Variants in ITSN1 observed in about 807,000 individuals in gnomAD.
ITSN1 encodes intersectin 1.
A neutral mutation model predicts 239.8 loss-of-function variants in ITSN1; 58 were observed. The ratio of observed to expected loss-of-function variants is 0.24; its 90% CI spans 0.20 to 0.30. The LOEUF (loss-of-function observed/expected upper bound fraction) is 0.30, where lower values mean the gene tolerates loss of function less well. ITSN1 is among the 10% of genes least tolerant of loss of function. The pLI is 1.00. For missense variants in ITSN1, 1,558 were observed against 2,103.3 expected, an observed-to-expected ratio of 0.74 and a Z score of 5.07; for synonymous variants, 780 against 770.8, an observed-to-expected ratio of 1.01 and a Z score of -0.20.
intron 2 of ITSN1, 101 bp downstream of exon 2, chr21:33,718,957 T>C: frequency 1.1e-6 from 1 of 899,480 alleles, no homozygotes. Flanking sequence ...GAAAATAATA[T>C]AATCAGCATT....
At chr21:33,651,386 A>G (rs8127699) in intron 1 of ITSN1, among the ~76,000 whole-genome samples, 1 of 152,202 alleles carries the variant, frequency 6.6e-6, no homozygotes, top group Admixed American at 6.5e-5. Flanking sequence ...CTCGGCTTCC[A>G]GCTGTCTATG....
At chr21:33,682,972 A>G (rs2146544685) in intron 1 of ITSN1, among the ~76,000 whole-genome samples, 1 of 152,230 alleles carries the variant, frequency 6.6e-6, no homozygotes, top group East Asian at 1.9e-4. Flanking sequence ...TATAAGATTA[A>G]TTTTATCTTA....
At position 33,765,868 on chromosome 21, in the gene ITSN1, T is replaced by C. The variant is rs987474121; in HGVS notation, c.789-7T>C. On this transcript the variant is annotated splice_region_variant and splice_polypyrimidine_tract_variant and intron_variant, in intron 9 of 39. Transcript: ENST00000381318. ...AACCGGATTACAGTTAACTTTTTGTTGAATAGGAATCTTTCTGACATTGAT... is the reference window on the plus strand; with the variant it reads ...AACCGGATTACAGTTAACTTTTTGTCGAATAGGAATCTTTCTGACATTGAT... The C allele has an allele frequency of 1.4e-5, 23 of 1,613,894 alleles. No individual in the cohort carries two copies. The highest frequency in any genetic ancestry group is 1.8e-5 in the Non-Finnish European group (21 of 1,179,902).
At position 33,867,223 on chromosome 21, in the gene ITSN1, C is replaced by G; in HGVS notation, c.4075-10C>G. 1 of 1,556,892 alleles carries G rather than the reference C, an allele frequency of 6.4e-7. No individual in the cohort carries two copies. The highest frequency in any genetic ancestry group is 8.9e-7 in the Non-Finnish European group (1 of 1,128,002). On this transcript the variant is annotated splice_polypyrimidine_tract_variant and intron_variant, in intron 32 of 39. Coordinates refer to ENST00000381318, the MANE Select transcript of ITSN1 (RefSeq NM_003024.3). ...GTTTCTTAAGTACATTTAAAAACATCTCATTTCAGAGATTGGCAATGGATC... is the reference window on the plus strand; with the variant it reads ...GTTTCTTAAGTACATTTAAAAACATGTCATTTCAGAGATTGGCAATGGATC...
rs533192222 is a variant in ITSN1, at chr21:33,787,565, T to C, written c.1824+5432T>C. ...TGCTTAACTAAAGCCTTTATACTCT[T>C]GGTTTCAGACACTAGCTTTCATGGG... On this transcript the variant is annotated intron_variant, in intron 16 of 39. Transcript: ENST00000381318. Among the ~76,000 whole-genome samples the C allele has an allele frequency of 2.8e-4, 42 of 152,340 alleles. 1 individual carries two copies. The highest frequency in any genetic ancestry group is 8.9e-4 in the African/African-American group (37 of 41,588).
At position 33,826,814 on chromosome 21, in the gene ITSN1, T is replaced by C. The variant is rs748418649; in HGVS notation, c.3184-4T>C. 2 of 1,613,814 alleles carry C rather than the reference T, an allele frequency of 1.2e-6. No homozygotes were observed. The highest frequency in any genetic ancestry group is 1.7e-6 in the Non-Finnish European group (2 of 1,179,718). On this transcript the variant is annotated splice_region_variant and splice_polypyrimidine_tract_variant and intron_variant, in intron 25 of 39. Coordinates refer to ENST00000381318, the MANE Select transcript of ITSN1 (RefSeq NM_003024.3). ...GCAAATGAGACCTTTTGCTCTGTTT[T>C]AAGGGCTCTGGAACTGCTGGGAAAA...
In ITSN1 at chr21:33,882,601, G is replaced by A. The variant is rs896496291; in HGVS notation, c.4554+146G>A. The A allele has an allele frequency of 1.2e-5, 8 of 660,710 alleles. No individual in the cohort carries two copies. Among genetic ancestry groups the A allele is most frequent in the Middle Eastern group, 8.1e-4 (2 of 2,474 alleles). The allele number at this position is 660,710 out of a possible 1,614,324, so 40.9% of individuals were successfully genotyped here. ...AGTTGAAATGCGATTTAGGGTGTCC[G>A]GAGTGGAGGACGATCCATATCCCGC... On this transcript the variant is annotated intron_variant, in intron 35 of 39. Coordinates refer to ENST00000381318, the MANE Select transcript of ITSN1 (RefSeq NM_003024.3). The surrounding 1 kb of genome is among the most constrained non-coding windows in gnomAD (Gnocchi z 4.5).
intron 26 of ITSN1, among the ~76,000 whole-genome samples, chr21:33,828,245 G>A (rs1005258088): frequency 4.6e-5 from 7 of 152,370 alleles, no homozygotes; most frequent in African/African-American, 1.4e-4. Context: ...TAGGACACTA[G>A]TTTGGTCTTT....
chr21:33,829,772 A>T lies in ITSN1; in HGVS notation c.3351+27A>T, dbSNP rs200366660. On this transcript the variant is annotated intron_variant, in intron 27 of 39. Coordinates refer to ENST00000381318, the MANE Select transcript of ITSN1 (RefSeq NM_003024.3). ...TCAGTGTCTTTTTTGTTTATTTACA[A>T]TTCTCCATCCAAGTTTCAATACACA... 1.1e-5 allele frequency: 17 copies of T among 1,612,748 alleles called. No homozygotes were observed. In the African/African-American group the frequency reaches 1.5e-4, roughly 14 times the overall value.
rs1292717464 is a variant in ITSN1, at chr21:33,865,959, T to C, written c.4074+625T>C. On this transcript the variant is annotated intron_variant, in intron 32 of 39. Coordinates refer to ENST00000381318, the MANE Select transcript of ITSN1 (RefSeq NM_003024.3). This position sits in a 1 kb window ranked among gnomAD's most constrained non-coding sequence, Gnocchi z 4.4. ...GGCCTTGGCCAGTGTGGGTCTCTGC[T>C]GGCCGTGCTGGGCCATTCAAACAGC... Among the ~76,000 whole-genome samples, 1 of 152,104 alleles carries C rather than the reference T, an allele frequency of 6.6e-6. No individual in the cohort carries two copies.
At chr21:33,884,250 G>A (rs562136161) in intron 36 of ITSN1, among the ~76,000 whole-genome samples, 16 of 152,012 alleles carry the variant, frequency 1.1e-4, no homozygotes, top group East Asian at 7.7e-4. Flanking sequence ...GAAATGTTTC[G>A]CATTCTTTGA....
At position 33,874,986 on chromosome 21, in the gene ITSN1, T is replaced by A. The variant is rs377269685; in HGVS notation, c.4174-368T>A. 9.4e-4 allele frequency among the ~76,000 whole-genome samples: 143 copies of A among 152,264 alleles called. 3 individuals carry two copies. In the South Asian group the frequency reaches 0.026, roughly 28 times the overall value. ...TCAAAGAGAAACTCTAAGGGCCCCA[T>A]GGTTATATGTACACACTGTGATCCT... On this transcript the variant is annotated intron_variant, in intron 33 of 39. Transcript: ENST00000381318.
intron 27 of ITSN1, among the ~76,000 whole-genome samples, chr21:33,832,322 T>C (rs2074341912): frequency 6.6e-6 from 1 of 152,218 alleles, no homozygotes; most frequent in South Asian, 2.1e-4. Flanking sequence ...ACTGGCCCCG[T>C]GCCGGCACCA....
At chr21:33,880,507 C>G (rs2148550840) in intron 34 of ITSN1, among the ~76,000 whole-genome samples, 1 of 152,276 alleles carries the variant, frequency 6.6e-6, no homozygotes, top group Admixed American at 6.5e-5. Flanking sequence ...TTCTTGGGCT[C>G]TCAGACCCTC....
chr21:33,712,200 T>A (rs1229896517), intron 1 of ITSN1, among the ~76,000 whole-genome samples: 4 of 152,112 alleles, frequency 2.6e-5, no homozygotes, highest in Admixed American at 6.6e-5. Flanking sequence ...TTTTTTTTTT[T>A]AAGAATTTGT....
At chr21:33,671,466 A>G (rs894205011) in intron 1 of ITSN1, among the ~76,000 whole-genome samples, 9 of 151,824 alleles carry the variant, frequency 5.9e-5, no homozygotes, top group African/African-American at 2.2e-4. Context: ...TTGTATTTTT[A>G]GTAGACACGG....
chr21:33,801,866 G>T (rs562130328), intron 19 of ITSN1, among the ~76,000 whole-genome samples: 67 of 152,194 alleles, frequency 4.4e-4, no homozygotes, highest in African/African-American at 1.5e-3. Flanking sequence ...GAGCCAGCGG[G>T]GTGTGTTTCT....
chr21:33,694,942 A>T (rs1197746306), intron 1 of ITSN1, among the ~76,000 whole-genome samples: 3 of 152,120 alleles, frequency 2.0e-5, no homozygotes, highest in African/African-American at 7.2e-5. Flanking sequence ...AGTTCCTAGG[A>T]CTGCAGGTGC....
chr21:33,679,386 T>A (rs1478317766), intron 1 of ITSN1, among the ~76,000 whole-genome samples: 1 of 152,236 alleles, frequency 6.6e-6, no homozygotes, highest in Non-Finnish European at 1.5e-5. Context: ...TTCGTTGACT[T>A]TGTGACATCT....
Sources: gnomAD v4.1 joint callset for allele counts (sites outside exome capture counted in the v4.1 genomes callset) on GRCh38, gnomAD v4.1.1 for gene constraint, Gnocchi (gnomAD v3.1) non-coding constraint, MANE v1.5 for transcripts, NCBI Gene and HGNC (gene_info 2026-07-23, HGNC 2026-07-21) for gene names.